EBF2: variants seen among roughly 807,000 people sequenced by gnomAD.
EBF2 encodes the protein EBF transcription factor 2, also known as transcription factor COE2.
Under a neutral mutation model 72.8 loss-of-function variants are expected in EBF2, and 21 were observed. That is an observed-to-expected ratio of 0.29 (90% CI 0.20 to 0.42). The LOEUF (loss-of-function observed/expected upper bound fraction) is 0.42. EBF2 is among the 10% of genes least tolerant of loss of function. The probability of loss-of-function intolerance (pLI) is 1.00; values close to 1 mark genes in which losing one functional copy is unlikely to be tolerated. For synonymous variants in EBF2, 299 were observed against 274.2 expected, an observed-to-expected ratio of 1.09 and a Z score of -0.89; for missense variants, 637 against 731.2, an observed-to-expected ratio of 0.87 and a Z score of 1.49.
chr8:26,001,034 A>G (rs1324398955), intron 6 of EBF2, among the ~76,000 whole-genome samples: 1 of 152,244 alleles, frequency 6.6e-6, no homozygotes, highest in African/African-American at 2.4e-5. Context: ...TGCAGTCTTT[A>G]GCAAATGACT....
At chr8:25,879,554 A>G (rs1023687344) in intron 10 of EBF2, among the ~76,000 whole-genome samples, 1 of 152,122 alleles carries the variant, frequency 6.6e-6, no homozygotes, top group African/African-American at 2.4e-5. Flanking sequence ...GGTGTCTTTG[A>G]AACACTAGAG....
chr8:25,998,150 A>G (rs1237300707), intron 6 of EBF2, among the ~76,000 whole-genome samples: 1 of 152,172 alleles, frequency 6.6e-6, no homozygotes, highest in Admixed American at 6.5e-5. Flanking sequence ...CCTAGCTGCC[A>G]TCACCATCCC....
chr8:25,942,588 C>T (rs946566111), intron 6 of EBF2, among the ~76,000 whole-genome samples: 2 of 152,334 alleles, frequency 1.3e-5, no homozygotes, highest in African/African-American at 4.8e-5. Flanking sequence ...CCAGCCCCCT[C>T]CTCAGGCGGC....
chr8:25,975,377 T>C (rs995603693), intron 6 of EBF2, among the ~76,000 whole-genome samples: 7 of 152,244 alleles, frequency 4.6e-5, no homozygotes, highest in Non-Finnish European at 8.8e-5. Flanking sequence ...CATAATGTAA[T>C]GTAGACAGAC....
At position 26,045,012 on chromosome 8, in the gene EBF2, T is replaced by G; in HGVS notation, c.-153A>C. The G allele has an allele frequency of 1.3e-6, 1 of 786,112 alleles. No homozygotes were observed. The highest frequency in any genetic ancestry group is 1.9e-6 in the Non-Finnish European group (1 of 513,316). 48.7% of individuals were successfully genotyped at this position (786,112 alleles called of 1,614,324 possible). A position where few individuals can be genotyped will look rare whatever the true frequency, so the allele number is the denominator to read the frequency against. On this transcript the variant is annotated 5_prime_UTR_variant, in exon 1 of 16. Coordinates refer to ENST00000520164, the MANE Select transcript of EBF2 (RefSeq NM_022659.4). ...TTGAGTCTTAGAAAAAAAAAAAAGA[T>G]AACCCGTCCTTTGCTTCACTGGCGA... is the stretch of plus-strand genomic sequence containing the variant.
At chr8:25,967,359 A>C (rs1235265859) in intron 6 of EBF2, among the ~76,000 whole-genome samples, 7 of 152,230 alleles carry the variant, frequency 4.6e-5, no homozygotes, top group Non-Finnish European at 1.0e-4. Flanking sequence ...TATCCCAATA[A>C]ATTCAATATA....
At chr8:25,889,018 A>G (rs908032808) in intron 8 of EBF2, among the ~76,000 whole-genome samples, 3 of 152,266 alleles carry the variant, frequency 2.0e-5, no homozygotes, top group African/African-American at 4.8e-5. Flanking sequence ...CCTGTTTACA[A>G]TGATACAAGA....
chr8:25,859,563 C>T (rs909982770), intron 13 of EBF2, among the ~76,000 whole-genome samples: 2 of 152,158 alleles, frequency 1.3e-5, no homozygotes, highest in Admixed American at 6.5e-5. Flanking sequence ...AGCTCAGAAA[C>T]ATCGTATCAT....
chr8:25,851,253 T>A (rs894350232), intron 14 of EBF2, among the ~76,000 whole-genome samples: 2 of 151,560 alleles, frequency 1.3e-5, no homozygotes, highest in Non-Finnish European at 2.9e-5. Flanking sequence ...GGTTAACATC[T>A]TCTCTGAGAG....
At chr8:25,956,206 G>A (rs1386487310) in intron 6 of EBF2, among the ~76,000 whole-genome samples, 1 of 152,092 alleles carries the variant, frequency 6.6e-6, no homozygotes, top group African/African-American at 2.4e-5. Flanking sequence ...ATCACCTGAG[G>A]TCGGGAGTTC....
Position 25,888,570 on chromosome 8 carries a change from G to A in EBF2, c.752-598C>T, listed in dbSNP as rs530253784. Among the ~76,000 whole-genome samples, 41 of 152,252 alleles carry A rather than the reference G, an allele frequency of 2.7e-4. No homozygotes were observed. The South Asian group carries it at 8.5e-3, about 32-fold the overall frequency. ...TAAGATTTACAAGGCCTGTTAATGG[G>A]CCAGAGAGAGAGAGGGGGAGAAAGC... On this transcript the variant is annotated intron_variant, in intron 8 of 15. Coordinates refer to ENST00000520164, the MANE Select transcript of EBF2 (RefSeq NM_022659.4).
intron 6 of EBF2, among the ~76,000 whole-genome samples, chr8:25,962,071 G>A (rs935214453): frequency 2.0e-5 from 3 of 152,100 alleles, no homozygotes; most frequent in Admixed American, 6.5e-5. Context: ...TAACAAGGAG[G>A]GGGCCAGGGA....
At chr8:25,859,259 T>C (rs1001586612) in intron 13 of EBF2, among the ~76,000 whole-genome samples, 1 of 152,246 alleles carries the variant, frequency 6.6e-6, no homozygotes, top group Non-Finnish European at 1.5e-5. Flanking sequence ...GGTTTAACTT[T>C]GCTAGCCTAG....
chr8:26,040,884 C>G, intron 3 of EBF2, 55 bp downstream of exon 3: 1 of 1,608,956 alleles, frequency 6.2e-7, no homozygotes. Flanking sequence ...TCAGCGCGTG[C>G]GGCCCGGAAG....
chr8:25,984,448 C>T (rs903116219), intron 6 of EBF2, among the ~76,000 whole-genome samples: 1 of 152,126 alleles, frequency 6.6e-6, no homozygotes, highest in Non-Finnish European at 1.5e-5. Flanking sequence ...TTTGGGAAGC[C>T]GAGGTGGGTG....
At chr8:25,856,191 T>C (rs985422133) in intron 14 of EBF2, among the ~76,000 whole-genome samples, 1 of 152,206 alleles carries the variant, frequency 6.6e-6, no homozygotes, top group African/African-American at 2.4e-5. Context: ...ACTACCACAC[T>C]ACATACTGTA....
At chr8:25,855,372 G>C (rs1027351193) in intron 14 of EBF2, among the ~76,000 whole-genome samples, 10 of 152,154 alleles carry the variant, frequency 6.6e-5, no homozygotes, top group African/African-American at 2.4e-4. Flanking sequence ...GCTACTGCCA[G>C]GAAGTGAAGT....
At chr8:25,926,317 AAG>A (rs1803385400) in intron 6 of EBF2, among the ~76,000 whole-genome samples, 1 of 152,150 alleles carries the variant, frequency 6.6e-6, no homozygotes, top group Non-Finnish European at 1.5e-5. Context: ...CCATTGGGAA[AAG>A]AGAGTATTTT....
intron 11 of EBF2, among the ~76,000 whole-genome samples, chr8:25,861,670 A>C (rs748216520): frequency 6.6e-6 from 1 of 152,300 alleles, no homozygotes; most frequent in East Asian, 1.9e-4. Flanking sequence ...AGGTCATGGA[A>C]GTTCTATTAA....
Sources: allele counts gnomAD v4.1 joint callset (sites outside exome capture counted in the v4.1 genomes callset), GRCh38; gene constraint gnomAD v4.1.1; transcripts MANE v1.5; gene names NCBI Gene and HGNC (gene_info 2026-07-23, HGNC 2026-07-21).